DGKI: variants seen among roughly 807,000 people sequenced by gnomAD.
DGKI encodes the protein DAG kinase iota.
Under a neutral mutation model 147.5 loss-of-function variants are expected in DGKI, and 55 were observed. That is an observed-to-expected ratio of 0.37 (90% confidence interval 0.30 to 0.47). The LOEUF (loss-of-function observed/expected upper bound fraction) is 0.47, where lower values mean the gene tolerates loss of function less well. DGKI is among the 20% of genes least tolerant of loss of function. DGKI has a pLI of 1.00. For missense variants in DGKI, 1,007 were observed against 1,323.8 expected, an observed-to-expected ratio of 0.76 and a Z score of 3.71; for synonymous variants, 469 against 477.1, an observed-to-expected ratio of 0.98 and a Z score of 0.22.
chr7:137,649,812 C>G (rs28625107), intron 5 of DGKI, among the ~76,000 whole-genome samples: 4 of 148,952 alleles, frequency 2.7e-5, no homozygotes, highest in Non-Finnish European at 5.9e-5. Context: ...TTTGAAAGGA[C>G]CTTAGAAATC....
Position 137,433,738 on chromosome 7 carries a change from A to T in DGKI, c.2761+10339T>A, listed in dbSNP as rs116723042. Among the ~76,000 whole-genome samples the T allele has an allele frequency of 9.4e-3, 1,430 of 152,356 alleles. 11 individuals are homozygous for T. Among genetic ancestry groups the T allele is most frequent in the African/African-American group, 0.033 (1,367 of 41,576 alleles). On this transcript the variant is annotated intron_variant, in intron 28 of 32. Coordinates refer to ENST00000614521, the MANE Select transcript of DGKI (RefSeq NM_001321708.2). ...ATTTCCTAAATAACTGTATTGACTT[A>T]TCTGTGGAAATGAAATCTATGATCT...
intron 27 of DGKI, among the ~76,000 whole-genome samples, chr7:137,456,643 G>A (rs566152436): frequency 6.6e-6 from 1 of 152,268 alleles, no homozygotes; most frequent in South Asian, 2.1e-4. Flanking sequence ...ATGGCTGCCA[G>A]CTTTTACAAA....
At chr7:137,662,534 C>T (rs907975300) in intron 3 of DGKI, among the ~76,000 whole-genome samples, 9 of 82 alleles carry the variant, frequency 0.11, no homozygotes, top group Admixed American at 0.1. Flanking sequence ...TGAGCCACCG[C>T]GCCCGGCCCC....
intron 1 of DGKI, among the ~76,000 whole-genome samples, chr7:137,788,451 A>G (rs1796739306): frequency 6.6e-6 from 1 of 152,076 alleles, no homozygotes; most frequent in African/African-American, 2.4e-5. Context: ...AATGGTTCCC[A>G]ATGTCGAAAT....
At position 137,412,201 on chromosome 7, in the gene DGKI, A is replaced by C. The variant is rs1045648082; in HGVS notation, c.2768T>G (p.Leu923Trp). ...AAGATCACCAGCTATTACTGCCTGC[A>C]AAATTGCTGTGAAAGACAAAAGAGA... ...SPVSSEDHAI[L>W]QAVIAGDLMK... Residue 923 changes from leucine (L) to tryptophan (W), a missense_variant, in exon 29 of 33, where the codon TTG becomes TGG. Leu to Trp is a moderately conservative substitution (Grantham distance 61, BLOSUM62 -2). This residue lies in a region of DGKI where 385 missense variants were observed against 445.2 expected (regional missense o/e 0.86). Coordinates refer to ENST00000614521, the MANE Select transcript of DGKI (RefSeq NM_001321708.2). The C allele has an allele frequency of 1.9e-5, 31 of 1,613,756 alleles. No individual in the cohort carries two copies. Among genetic ancestry groups the C allele is most frequent in the Non-Finnish European group, 2.6e-5 (31 of 1,179,744 alleles).
chr7:137,656,382 A>G, intron 4 of DGKI, 84 bp downstream of exon 4: 1 of 1,435,548 alleles, frequency 7.0e-7, no homozygotes, highest in Non-Finnish European at 9.7e-7. Context: ...GTTTTCAAAA[A>G]GTTGGAACTG....
At chr7:137,509,163 A>G (rs1355723757) in intron 21 of DGKI, among the ~76,000 whole-genome samples, 1 of 152,204 alleles carries the variant, frequency 6.6e-6, no homozygotes, top group African/African-American at 2.4e-5. Flanking sequence ...TTGGCAATTG[A>G]CCAACCTCCC....
chr7:137,402,621 C>T (rs1007613265), intron 30 of DGKI, among the ~76,000 whole-genome samples: 9 of 152,212 alleles, frequency 5.9e-5, no homozygotes. Context: ...GCTTCCCACA[C>T]CAATGCCTCC....
At chr7:137,806,959 C>G (rs1317661057) in intron 1 of DGKI, among the ~76,000 whole-genome samples, 1 of 152,170 alleles carries the variant, frequency 6.6e-6, no homozygotes, top group African/African-American at 2.4e-5. Context: ...CAGGGCCATC[C>G]AGGTAATTGC....
At chr7:137,449,279 T>G (rs971434631) in intron 27 of DGKI, among the ~76,000 whole-genome samples, 1 of 152,042 alleles carries the variant, frequency 6.6e-6, no homozygotes, top group Non-Finnish European at 1.5e-5. Flanking sequence ...GACACTGGCA[T>G]AAAAACAGAC....
At chr7:137,838,733 G>A (rs925335511) in intron 1 of DGKI, among the ~76,000 whole-genome samples, 1 of 152,054 alleles carries the variant, frequency 6.6e-6, no homozygotes. Flanking sequence ...GTCCTGAGCC[G>A]TTTTATTTGT....
intron 27 of DGKI, among the ~76,000 whole-genome samples, chr7:137,444,997 T>A (rs1813660225): frequency 6.6e-6 from 1 of 152,194 alleles, no homozygotes; most frequent in Admixed American, 6.5e-5. Flanking sequence ...GAAGGAGTCC[T>A]CTTCTCTGAA....
chr7:137,404,891 T>C (rs1811885897), intron 30 of DGKI, among the ~76,000 whole-genome samples: 1 of 152,158 alleles, frequency 6.6e-6, no homozygotes, highest in African/African-American at 2.4e-5. Flanking sequence ...AATGTTAGGT[T>C]TTGATCAAGG....
chr7:137,430,787 G>T (rs1358628930), intron 28 of DGKI, among the ~76,000 whole-genome samples: 1 of 152,024 alleles, frequency 6.6e-6, no homozygotes, highest in Admixed American at 6.6e-5. Context: ...AATGAAGGAA[G>T]ACATAAGAAG....
At chr7:137,645,113 A>C (rs936566100) in intron 6 of DGKI, among the ~76,000 whole-genome samples, 1 of 152,218 alleles carries the variant, frequency 6.6e-6, no homozygotes. Flanking sequence ...ATATTAGCAA[A>C]CGTAGTGTTG....
At chr7:137,420,668 T>G (rs778291647) in intron 28 of DGKI, among the ~76,000 whole-genome samples, 1 of 152,002 alleles carries the variant, frequency 6.6e-6, no homozygotes. Flanking sequence ...CAATGGGTGC[T>G]TGTTAGATTG....
chr7:137,412,637 C>G (rs1273333102), intron 28 of DGKI, among the ~76,000 whole-genome samples: 1 of 152,184 alleles, frequency 6.6e-6, no homozygotes, highest in African/African-American at 2.4e-5. Flanking sequence ...GAGTAACTGC[C>G]TAATCATGAT....
rs182738672 is a variant in DGKI, at chr7:137,650,901, G to A, written c.738+3831C>T. ...GCAAAGAGATTTTCAGTACAGCAGTGAAATACACAAATATCCAAAGGTGGG... is the reference window on the plus strand; with the variant it reads ...GCAAAGAGATTTTCAGTACAGCAGTAAAATACACAAATATCCAAAGGTGGG... On this transcript the variant is annotated intron_variant, in intron 5 of 32. Coordinates refer to ENST00000614521, the MANE Select transcript of DGKI (RefSeq NM_001321708.2). Among the ~76,000 whole-genome samples, 7 of 152,296 alleles carry A rather than the reference G, an allele frequency of 4.6e-5. No individual in the cohort carries two copies. In the East Asian group the frequency reaches 1.2e-3, roughly 25 times the overall value.
At chr7:137,450,855 G>T (rs1813925806) in intron 27 of DGKI, among the ~76,000 whole-genome samples, 1 of 151,618 alleles carries the variant, frequency 6.6e-6, no homozygotes, top group East Asian at 1.9e-4. Context: ...ATTTGCTGGT[G>T]AAAGTACCCT....
Sources: gnomAD v4.1 joint callset for allele counts (sites outside exome capture counted in the v4.1 genomes callset) on GRCh38, gnomAD v4.1.1 for gene constraint, gnomAD v4.1.1 regional missense constraint, MANE v1.5 for transcripts, NCBI Gene and HGNC (gene_info 2026-07-23, HGNC 2026-07-21) for gene names.